Variants in CPNE4 observed in about 807,000 individuals in gnomAD.
CPNE4 encodes copine-4.
CPNE4 carries 25 observed loss-of-function variants against 67.9 expected under a neutral mutation model. That is an observed-to-expected ratio of 0.37 (90% confidence interval 0.27 to 0.51). The LOEUF (loss-of-function observed/expected upper bound fraction) is 0.51, where lower values mean the gene tolerates loss of function less well. Ranked by LOEUF, CPNE4 falls within the 20% of genes least tolerant of loss-of-function variation. CPNE4 has a pLI of 0.93. For missense variants in CPNE4, 464 were observed against 690.8 expected, an observed-to-expected ratio of 0.67 and a Z score of 3.68; for synonymous variants, 242 against 244.9, an observed-to-expected ratio of 0.99 and a Z score of 0.11.
rs185420101 is a variant in CPNE4, at chr3:131,823,974, G to A, written c.180+81290C>T. Among the ~76,000 whole-genome samples, 487 of 152,288 alleles carry A rather than the reference G, an allele frequency of 3.2e-3. 1 individual carries two copies. The highest frequency in any genetic ancestry group is 2.8e-3 in the Non-Finnish European group (191 of 68,006). On this transcript the variant is annotated intron_variant, in intron 2 of 15. Coordinates refer to ENST00000429747, the MANE Select transcript of CPNE4 (RefSeq NM_130808.3). ...TACAATGAATTCTTGTTAAATGAATGAATGAATGAGGGCTTGTTTCTTGAT... is the reference window on the plus strand; with the variant it reads ...TACAATGAATTCTTGTTAAATGAATAAATGAATGAGGGCTTGTTTCTTGAT...
intron 2 of CPNE4, among the ~76,000 whole-genome samples, chr3:131,829,927 A>G (rs1415641293): frequency 6.6e-6 from 1 of 152,204 alleles, no homozygotes; most frequent in Non-Finnish European, 1.5e-5. Context: ...TGTTTATACA[A>G]ATACACACAT....
intron 1 of CPNE4, among the ~76,000 whole-genome samples, chr3:131,935,708 A>C (rs2071201108): frequency 6.6e-6 from 1 of 152,068 alleles, no homozygotes; most frequent in African/African-American, 2.4e-5. Flanking sequence ...TGGCTTTGAG[A>C]AATAGCTTCT....
chr3:131,676,695 C>CT (rs2080579547), intron 6 of CPNE4, among the ~76,000 whole-genome samples: 1 of 152,090 alleles, frequency 6.6e-6, no homozygotes, highest in Non-Finnish European at 1.5e-5. Context: ...CATCCATGTC[C>CT]TTGCAAAAAC....
chr3:131,876,168 G>A (rs1484099356), intron 2 of CPNE4, among the ~76,000 whole-genome samples: 1 of 151,726 alleles, frequency 6.6e-6, no homozygotes, highest in Non-Finnish European at 1.5e-5. Context: ...GAACCCAGGA[G>A]GCGGAGGTTA....
chr3:131,823,025 G>C (rs1197057916), intron 2 of CPNE4, among the ~76,000 whole-genome samples: 1 of 151,960 alleles, frequency 6.6e-6, no homozygotes, highest in East Asian at 1.9e-4. Context: ...TTTTTTAATA[G>C]AGACAGGGTT....
rs1560173115 is a variant in CPNE4, at chr3:131,717,895, TTTCTTTC to T, written c.360+5544_360+5550del. ...TTTCTTTTCTTTCTTTCTTTCTTTC[TTTCTTTC>T]TTTCTTTCTTTCTTTCTTTCTTTCT... is the stretch of plus-strand genomic sequence containing the variant. On this transcript the variant is annotated intron_variant, in intron 3 of 15. Coordinates refer to ENST00000429747, the MANE Select transcript of CPNE4 (RefSeq NM_130808.3). Among the ~76,000 whole-genome samples, 207 of 79,536 alleles carry T rather than the reference TTTCTTTC, an allele frequency of 2.6e-3. 5 individuals carry two copies. Among genetic ancestry groups the T allele is most frequent in the South Asian group, 9.2e-3 (23 of 2,506 alleles). 52.2% of individuals were successfully genotyped at this position (79,536 alleles called of 152,430 possible). A position where few individuals can be genotyped will look rare whatever the true frequency, so the allele number is the denominator to read the frequency against.
intron 1 of CPNE4, among the ~76,000 whole-genome samples, chr3:131,913,484 C>A (rs905153830): frequency 1.3e-5 from 2 of 152,130 alleles, no homozygotes; most frequent in African/African-American, 4.8e-5. Flanking sequence ...TGTGGACAAC[C>A]CACTCTGAGG....
chr3:131,571,571 A>T (rs772225888), intron 10 of CPNE4, among the ~76,000 whole-genome samples: 3 of 151,936 alleles, frequency 2.0e-5, no homozygotes, highest in Non-Finnish European at 4.4e-5. Context: ...CAGTCTTCTC[A>T]TTGTATTCTA....
chr3:132,036,814 C>T (rs2074347494), upstream of CPNE4, among the ~76,000 whole-genome samples: 1 of 152,120 alleles, frequency 6.6e-6, no homozygotes, highest in Non-Finnish European at 1.5e-5. Flanking sequence ...ACCTTAGGGA[C>T]CATTCAACAT....
intron 1 of CPNE4, among the ~76,000 whole-genome samples, chr3:132,010,148 C>T (rs1483592652): frequency 2.6e-5 from 4 of 152,202 alleles, no homozygotes; most frequent in African/African-American, 9.6e-5. Flanking sequence ...AACTTTCTAG[C>T]TCTATGGCCT....
intron 2 of CPNE4, among the ~76,000 whole-genome samples, chr3:131,799,317 A>T (rs2084007539): frequency 6.6e-6 from 1 of 152,102 alleles, no homozygotes; most frequent in African/African-American, 2.4e-5. Context: ...AAATATTACC[A>T]CTATTATAAT....
chr3:131,613,498 G>A (rs1448176298), intron 7 of CPNE4, among the ~76,000 whole-genome samples: 1 of 152,152 alleles, frequency 6.6e-6, no homozygotes, highest in Non-Finnish European at 1.5e-5. Context: ...TAGAAGTTTA[G>A]TTTTTATGAT....
rs1461392894 is a variant in CPNE4, at chr3:131,556,515, T to C, written c.1062-964A>G. Among the ~76,000 whole-genome samples the C allele has an allele frequency of 2.6e-5, 4 of 152,102 alleles. No individual in the cohort carries two copies. The East Asian group carries it at 7.7e-4, about 29-fold the overall frequency. ...TTGTTTACATGTCTTTTCTTGTTTT[T>C]TGAACTCAAAGAGACCCTGTCTTTG... On this transcript the variant is annotated intron_variant, in intron 11 of 15. Transcript: ENST00000429747.
intron 7 of CPNE4, among the ~76,000 whole-genome samples, chr3:131,602,440 A>G (rs529086958): frequency 6.6e-6 from 1 of 152,286 alleles, no homozygotes; most frequent in Non-Finnish European, 1.5e-5. Flanking sequence ...ATGGAAGGGC[A>G]ATGGGTATGT....
intron 13 of CPNE4, among the ~76,000 whole-genome samples, chr3:131,550,564 T>C (rs1350732443): frequency 1.3e-5 from 2 of 152,106 alleles, no homozygotes; most frequent in Non-Finnish European, 2.9e-5. Context: ...TTGTTGACTC[T>C]AGTAGATACT....
At chr3:131,913,734 G>A (rs1340660960) in intron 1 of CPNE4, among the ~76,000 whole-genome samples, 1 of 152,134 alleles carries the variant, frequency 6.6e-6, no homozygotes, top group African/African-American at 2.4e-5. Context: ...TTTCTTCTGA[G>A]GGGGCAAGAA....
intron 11 of CPNE4, among the ~76,000 whole-genome samples, chr3:131,561,291 A>G (rs1936746220): frequency 6.6e-6 from 1 of 151,946 alleles, no homozygotes; most frequent in Admixed American, 6.6e-5. Context: ...TAGGGAGACC[A>G]GGATACAGGA....
At chr3:131,860,625 C>CT (rs2086636366) in intron 2 of CPNE4, among the ~76,000 whole-genome samples, 1 of 152,014 alleles carries the variant, frequency 6.6e-6, no homozygotes, top group Non-Finnish European at 1.5e-5. Context: ...GTCAGATAGA[C>CT]TTTATTTTGA....
chr3:131,955,804 C>G (rs1301684913), intron 1 of CPNE4, among the ~76,000 whole-genome samples: 1 of 152,140 alleles, frequency 6.6e-6, no homozygotes. Flanking sequence ...CACAGCAACA[C>G]AATCGCTGTA....
Sources: gnomAD v4.1 joint callset for allele counts (sites outside exome capture counted in the v4.1 genomes callset) on GRCh38, gnomAD v4.1.1 for gene constraint, MANE v1.5 for transcripts, NCBI Gene and HGNC (gene_info 2026-07-23, HGNC 2026-07-21) for gene names.